TMEM68: variants seen among roughly 807,000 people sequenced by gnomAD.
TMEM68 encodes transmembrane protein 68.
A neutral mutation model predicts 36.9 loss-of-function variants in TMEM68; 25 were observed. The observed-to-expected ratio is 0.68, with a 90% CI of 0.49 to 0.95. The LOEUF (loss-of-function observed/expected upper bound fraction) is 0.95. Ranked by LOEUF, TMEM68 falls within the 40% of genes least tolerant of loss-of-function variation. The probability of loss-of-function intolerance (pLI) is 0.00; values close to 1 mark genes in which losing one functional copy is unlikely to be tolerated. For missense variants in TMEM68, 333 were observed against 392.0 expected (o/e 0.85, Z 1.27); for synonymous variants, 131 against 124.4 (o/e 1.05, Z -0.35).
At chr8:55,749,510 T>C (rs1810373954) in intron 5 of TMEM68, among the ~76,000 whole-genome samples, 1 of 152,222 alleles carries the variant, frequency 6.6e-6, no homozygotes, top group South Asian at 2.1e-4. Context: ...CTCACGTATC[T>C]GGGAAGCCCC....
At chr8:55,747,046 G>C (rs1323073585) in intron 5 of TMEM68, 1 of 152,250 alleles carries the variant, frequency 6.6e-6, no homozygotes, top group African/African-American at 2.4e-5. Context: ...GTTAGGAAAA[G>C]GGGAGAAGTT....
In TMEM68 at chr8:55,762,754, A is replaced by G. The variant is rs940820231; in HGVS notation, c.206T>C (p.Ile69Thr). 1 of 1,613,794 alleles carries G rather than the reference A, an allele frequency of 6.2e-7. No homozygotes were observed. Among genetic ancestry groups the G allele is most frequent in the Non-Finnish European group, 8.5e-7 (1 of 1,179,802 alleles). Residue 69 changes from isoleucine to threonine, a missense_variant, in exon 3 of 8, where the codon ATT becomes ACT. Transcript: ENST00000434581. ...FTIFLLYLTIIFLHIYKRKNV... is the reference protein window; with the variant it reads ...FTIFLLYLTITFLHIYKRKNV... Reference sequence around the variant, plus strand: ...CTTTCTCTTATAAATGTGTAAGAAAATAATAGTAAGGTAGAGAAGAAAGAT... The same window carrying G: ...CTTTCTCTTATAAATGTGTAAGAAAGTAATAGTAAGGTAGAGAAGAAAGAT...
chr8:55,760,427 G>GA (rs1445041834), intron 3 of TMEM68, among the ~76,000 whole-genome samples: 1 of 152,138 alleles, frequency 6.6e-6, no homozygotes, highest in East Asian at 1.9e-4. Context: ...GAAAAAGCGT[G>GA]AAAAAGAAGG....
intron 3 of TMEM68, among the ~76,000 whole-genome samples, chr8:55,757,502 T>C (rs1163485003): frequency 1.3e-5 from 2 of 152,152 alleles, no homozygotes; most frequent in East Asian, 3.8e-4. Context: ...CCCCTGCTAA[T>C]GGTACAGGGA....
chr8:55,759,463 C>T (rs1257500970), intron 3 of TMEM68, among the ~76,000 whole-genome samples: 1 of 151,804 alleles, frequency 6.6e-6, no homozygotes, highest in Non-Finnish European at 1.5e-5. Context: ...CCCAGCTACT[C>T]GGGCGGCTCA....
At chr8:55,758,915 G>A (rs1447962731) in intron 3 of TMEM68, among the ~76,000 whole-genome samples, 2 of 152,142 alleles carry the variant, frequency 1.3e-5, no homozygotes, top group Non-Finnish European at 2.9e-5. Flanking sequence ...AAAAAATAGA[G>A]TCAAATAGAA....
rs774924377 is a variant in TMEM68 at position 55,750,984 on chromosome 8, C to T, written c.667G>A (p.Val223Ile). Residue 223 changes from valine to isoleucine, a missense_variant, in exon 5 of 8, where the codon GTT (valine) becomes ATT (isoleucine). Transcript: ENST00000434581. ...CTCACCACTTTTGCATCAATTGCAA[C>T]CTGAGCAAAGCCTCTGCGATGACCC... ...VWGHRRGFAQVAIDAKVPIIP... is the reference protein window; with the variant it reads ...VWGHRRGFAQIAIDAKVPIIP... 20 of 1,607,830 alleles carry T rather than the reference C, an allele frequency of 1.2e-5. No individual in the cohort carries two copies. Among genetic ancestry groups the T allele is most frequent in the Non-Finnish European group, 1.6e-5 (19 of 1,178,744 alleles).
At chr8:55,741,344 G>A (rs908653695) in intron 7 of TMEM68, among the ~76,000 whole-genome samples, 3 of 152,178 alleles carry the variant, frequency 2.0e-5, no homozygotes, top group Admixed American at 2.0e-4. Context: ...GACATCTTCA[G>A]GTACTTAACA....
chr8:55,756,274 C>T lies in TMEM68; in HGVS notation c.463G>A (p.Val155Ile). ...FIHKGRTCRV[V>I]ADHFVFKIPG... The stretch of plus-strand genomic sequence containing the variant: ...ATTTTAAAGACAAAGTGATCAGCTA[C>T]TACTCGGCAAGTTCTGCCTTTGTGT... The change falls in exon 4 of 8, where the codon GTA becomes ATA. Residue 155 changes from valine (V) to isoleucine (I), a missense_variant. Physicochemically the swap from Val to Ile is conservative, Grantham distance 29. Transcript: ENST00000434581. 1 of 1,603,570 alleles carries T rather than the reference C, an allele frequency of 6.2e-7. No individual in the cohort carries two copies. Among genetic ancestry groups the T allele is most frequent in the Non-Finnish European group, 8.5e-7 (1 of 1,177,486 alleles).
At chr8:55,743,384 C>A in intron 7 of TMEM68, 97 bp downstream of exon 7, 3 of 1,396,076 alleles carry the variant, frequency 2.1e-6, no homozygotes, top group Non-Finnish European at 2.8e-6. Context: ...CTGACCTAGA[C>A]ATGCTTGTAG....
At position 55,756,349 on chromosome 8, in the gene TMEM68, G is replaced by T. The variant is rs1311481465; in HGVS notation, c.388C>A (p.His130Asn). The T allele has an allele frequency of 6.2e-7, 1 of 1,604,122 alleles. No homozygotes were observed. The highest frequency in any genetic ancestry group is 1.1e-5 in the South Asian group (1 of 87,940). Residue 130 changes from histidine to asparagine, a missense_variant, in exon 4 of 8, where the codon CAT becomes AAT. His to Asn is a moderately conservative substitution (Grantham distance 68). Transcript: ENST00000434581. The stretch of plus-strand genomic sequence containing the variant: ...TAAAAATCTATAGGAATAGCTCCAT[G>T]ATAAAAAATTATAAGTGCTGGTCCA... The part of the protein sequence containing the change: ...EDGPALIIFY[H>N]GAIPIDFYYF...
At position 55,751,166 on chromosome 8, in the gene TMEM68, A is replaced by C; in HGVS notation, c.494-9T>G. 5 of 1,581,214 alleles carry C rather than the reference A, an allele frequency of 3.2e-6. No homozygotes were observed. The highest frequency in any genetic ancestry group is 4.3e-6 in the Non-Finnish European group (5 of 1,168,168). ...CAGTAATAAACTAAACCCTGTAAGAAACATGAGTATGAAGTTACAACATAA... is the reference window on the plus strand; with the variant it reads ...CAGTAATAAACTAAACCCTGTAAGACACATGAGTATGAAGTTACAACATAA... On this transcript the variant is annotated splice_polypyrimidine_tract_variant and intron_variant, in intron 4 of 7. Coordinates refer to ENST00000434581, the MANE Select transcript of TMEM68 (RefSeq NM_001286657.2).
At position 55,739,986 on chromosome 8, in the gene TMEM68, A is replaced by T; in HGVS notation, c.*146T>A. 1 of 597,782 alleles carries T rather than the reference A, an allele frequency of 1.7e-6. No homozygotes were observed. Among genetic ancestry groups the T allele is most frequent in the South Asian group, 2.7e-5 (1 of 36,660 alleles). The allele number at this position is 597,782 out of a possible 1,614,324, so 37.0% of individuals were successfully genotyped here. On this transcript the variant is annotated 3_prime_UTR_variant, in exon 8 of 8. Transcript: ENST00000434581. ...GCAAAAACAAAATTGACTATTTTAA[A>T]GAAACGAATTCTGTGAAAGATGCTT... is the stretch of plus-strand genomic sequence containing the variant.
intron 3 of TMEM68, among the ~76,000 whole-genome samples, chr8:55,760,528 T>C (rs1033867701): frequency 2.6e-5 from 4 of 152,252 alleles, no homozygotes; most frequent in African/African-American, 7.2e-5. Flanking sequence ...AGGCTGCCAC[T>C]TGTATAGAAG....
chr8:55,750,903 T>C, intron 5 of TMEM68, 61 bp downstream of exon 5: 1 of 1,538,002 alleles, frequency 6.5e-7, no homozygotes, highest in Non-Finnish European at 8.8e-7. Flanking sequence ...GGCTCATTAC[T>C]TAACCATTTA....
intron 3 of TMEM68, chr8:55,762,416 C>T (rs930826458): frequency 2.1e-5 from 15 of 717,580 alleles, no homozygotes; most frequent in East Asian, 2.8e-5. Flanking sequence ...TACAGTGCTG[C>T]GTGGTTCTTT....
At chr8:55,758,180 T>C (rs938828223) in intron 3 of TMEM68, among the ~76,000 whole-genome samples, 1 of 152,170 alleles carries the variant, frequency 6.6e-6, no homozygotes, top group Non-Finnish European at 1.5e-5. Flanking sequence ...CCCTACACTA[T>C]GCACAAGATA....
At chr8:55,750,482 C>G (rs1229085534) in intron 5 of TMEM68, among the ~76,000 whole-genome samples, 1 of 150,742 alleles carries the variant, frequency 6.6e-6, no homozygotes, top group East Asian at 1.9e-4. Flanking sequence ...GACCAAAAGG[C>G]TGAGAAATAC....
intron 6 of TMEM68, 118 bp from the exon 7 acceptor site, chr8:55,743,738 G>C: frequency 1.2e-6 from 1 of 836,192 alleles, no homozygotes; most frequent in Non-Finnish European, 1.7e-6. Context: ...TCACTTCTTG[G>C]CAATTAATAC....
Sources: allele counts gnomAD v4.1 joint callset (sites outside exome capture counted in the v4.1 genomes callset), GRCh38; gene constraint gnomAD v4.1.1; transcripts MANE v1.5; gene names NCBI Gene and HGNC (gene_info 2026-07-23, HGNC 2026-07-21).